Variants in CA10 observed in about 807,000 individuals in gnomAD.
CA10 encodes carbonic anhydrase 10 (inactive), also known as carbonic anhydrase-related protein 10.
CA10 carries 14 observed loss-of-function variants against 44.2 expected under a neutral mutation model. The observed-to-expected ratio is 0.32, with a 90% CI of 0.21 to 0.50. The LOEUF (loss-of-function observed/expected upper bound fraction) is 0.50. CA10 is among the 20% of genes least tolerant of loss of function. The pLI is 0.99. For synonymous variants in CA10, 159 were observed against 141.6 expected, an observed-to-expected ratio of 1.12 and a Z score of -0.87; for missense variants, 350 against 409.7, an observed-to-expected ratio of 0.85 and a Z score of 1.26.
chr17:51,715,424 T>G (rs924025550), intron 4 of CA10, among the ~76,000 whole-genome samples: 50 of 151,734 alleles, frequency 3.3e-4, no homozygotes, highest in African/African-American at 1.2e-3. Context: ...TTAAAAAAAT[T>G]TTTCCTTTTT....
At chr17:52,098,886 A>G (rs373618908) in intron 1 of CA10, among the ~76,000 whole-genome samples, 2 of 152,178 alleles carry the variant, frequency 1.3e-5, no homozygotes, top group Admixed American at 1.3e-4. Context: ...CCTTCAACAA[A>G]TAGTGCGTGA....
rs1035771837 is a variant in CA10 at position 51,661,179 on chromosome 17, G to T, written c.466-7443C>A. Among the ~76,000 whole-genome samples the T allele has an allele frequency of 1.2e-4, 19 of 152,096 alleles. 1 individual carries two copies. Among genetic ancestry groups the T allele is most frequent in the Non-Finnish European group, 5.9e-5 (4 of 68,026 alleles). On this transcript the variant is annotated intron_variant, in intron 4 of 8. Transcript: ENST00000451037. ...ATCCAGGCATGGGCTCTATCTTATT[G>T]GCCCCTGTGACATCTCCTATACCTG...
chr17:51,935,592 A>G (rs886946577), intron 2 of CA10, among the ~76,000 whole-genome samples: 2 of 152,184 alleles, frequency 1.3e-5, no homozygotes, highest in African/African-American at 4.8e-5. Context: ...GCGATGTGTT[A>G]TCTTGCCAAA....
At chr17:51,930,392 C>T (rs1220892470) in intron 3 of CA10, among the ~76,000 whole-genome samples, 1 of 152,004 alleles carries the variant, frequency 6.6e-6, no homozygotes, top group Admixed American at 6.6e-5. Context: ...TTGTGCCCTT[C>T]CACAAATTAA....
chr17:52,051,234 C>T (rs951034208), intron 2 of CA10, among the ~76,000 whole-genome samples: 2 of 151,898 alleles, frequency 1.3e-5, no homozygotes, highest in Non-Finnish European at 2.9e-5. Context: ...TCAGGACAGA[C>T]ATGGGCAAAG....
chr17:51,781,933 C>T (rs1007094015), intron 3 of CA10, among the ~76,000 whole-genome samples: 3 of 152,156 alleles, frequency 2.0e-5, no homozygotes, highest in Non-Finnish European at 4.4e-5. Context: ...GGAAACAGGG[C>T]TCAGAAGATT....
At position 51,721,644 on chromosome 17, in the gene CA10, T is replaced by G. The variant is rs1184945420; in HGVS notation, c.465+25989A>C. ...GCCACCGCACCTGGCCAGTTGAAAA[T>G]AAACTTTAAGATGTATGAATTAAAA... On this transcript the variant is annotated intron_variant, in intron 4 of 8. Coordinates refer to ENST00000451037, the MANE Select transcript of CA10 (RefSeq NM_020178.5). 1.6e-4 allele frequency among the ~76,000 whole-genome samples: 25 copies of G among 151,702 alleles called. 1 individual carries two copies. Among genetic ancestry groups the G allele is most frequent in the Non-Finnish European group, 4.4e-5 (3 of 67,956 alleles).
At chr17:52,039,991 C>A (rs1385137302) in intron 2 of CA10, among the ~76,000 whole-genome samples, 3 of 151,990 alleles carry the variant, frequency 2.0e-5, no homozygotes, top group Non-Finnish European at 4.4e-5. Context: ...ATCAAGCAAT[C>A]CTGAGTTAGA....
At chr17:51,978,840 CAT>C (rs1984551972) in intron 2 of CA10, among the ~76,000 whole-genome samples, 5 of 152,080 alleles carry the variant, frequency 3.3e-5, no homozygotes, top group Admixed American at 3.3e-4. Flanking sequence ...TCATCCCTAA[CAT>C]GTATATTTTC....
chr17:51,718,442 G>A (rs1236815789), intron 4 of CA10, among the ~76,000 whole-genome samples: 5 of 152,134 alleles, frequency 3.3e-5, no homozygotes, highest in African/African-American at 1.2e-4. Context: ...CAAAAGCACT[G>A]AGTTCTAGAG....
At chr17:51,853,803 G>C in intron 3 of CA10, among the ~76,000 whole-genome samples, 1 of 152,112 alleles carries the variant, frequency 6.6e-6, no homozygotes, top group East Asian at 1.9e-4. Context: ...GTGTTTGACT[G>C]TTCCTCCTTC....
chr17:52,116,789 G>A (rs572216065), intron 1 of CA10, among the ~76,000 whole-genome samples: 1 of 152,238 alleles, frequency 6.6e-6, no homozygotes, highest in South Asian at 2.1e-4. Flanking sequence ...TGGGCTTTTG[G>A]CTTCCCTCTC....
At chr17:51,986,531 A>T (rs953868981) in intron 2 of CA10, among the ~76,000 whole-genome samples, 1 of 151,968 alleles carries the variant, frequency 6.6e-6, no homozygotes, top group Non-Finnish European at 1.5e-5. Flanking sequence ...TTAAACTAAA[A>T]AGCTTTTGAA....
intron 1 of CA10, among the ~76,000 whole-genome samples, chr17:52,079,316 G>C (rs1195785900): frequency 1.3e-5 from 2 of 151,866 alleles, no homozygotes; most frequent in Non-Finnish European, 2.9e-5. Context: ...AAAATTAGCA[G>C]GGTGTGGTAG....
At chr17:51,766,989 T>G (rs145806971) in intron 3 of CA10, among the ~76,000 whole-genome samples, 14 of 152,300 alleles carry the variant, frequency 9.2e-5, no homozygotes, top group Non-Finnish European at 1.3e-4. Flanking sequence ...TCTTGGGAGG[T>G]GCCTTGGTAG....
intron 4 of CA10, among the ~76,000 whole-genome samples, chr17:51,688,777 C>T (rs1915091292): frequency 6.6e-6 from 1 of 152,126 alleles, no homozygotes; most frequent in South Asian, 2.1e-4. Flanking sequence ...AGAGCTGATC[C>T]TTTCCTCTTT....
At chr17:51,851,564 A>C (rs1377757029) in intron 3 of CA10, among the ~76,000 whole-genome samples, 1 of 152,232 alleles carries the variant, frequency 6.6e-6, no homozygotes, top group Non-Finnish European at 1.5e-5. Context: ...TGTTATTTTA[A>C]ATTTATGATA....
At chr17:51,938,615 G>T (rs966044481) in intron 2 of CA10, among the ~76,000 whole-genome samples, 1 of 152,152 alleles carries the variant, frequency 6.6e-6, no homozygotes, top group African/African-American at 2.4e-5. Flanking sequence ...GCTTTTGGGA[G>T]TTGTCAGATT....
intron 4 of CA10, among the ~76,000 whole-genome samples, chr17:51,730,829 A>G (rs986254334): frequency 1.1e-4 from 16 of 152,196 alleles, no homozygotes; most frequent in African/African-American, 3.9e-4. Flanking sequence ...GGGATATCTC[A>G]GACTTAAATA....
Sources: gnomAD v4.1 joint callset for allele counts (sites outside exome capture counted in the v4.1 genomes callset) on GRCh38, gnomAD v4.1.1 for gene constraint, MANE v1.5 for transcripts, NCBI Gene and HGNC (gene_info 2026-07-23, HGNC 2026-07-21) for gene names.